THADA: variants seen among roughly 807,000 people sequenced by gnomAD.
The protein encoded by THADA is THADA armadillo repeat containing, also known as tRNA (32-2'-O)-methyltransferase regulator THADA.
THADA carries 213 observed loss-of-function variants against 219.8 expected under a neutral mutation model. The ratio of observed to expected loss-of-function variants is 0.97; its 90% CI spans 0.87 to 1.09. THADA has a LOEUF of 1.09. Ranked by LOEUF, THADA falls within the 50% of genes least tolerant of loss-of-function variation. The pLI, the probability that THADA is intolerant of heterozygous loss-of-function variation, is 0.00. For synonymous variants in THADA, 1,018 were observed against 828.9 expected (o/e 1.23, Z -3.92); for missense variants, 2,956 against 2,311.3 (o/e 1.28, Z -5.72).
At chr2:43,311,460 T>A (rs974758260) in intron 31 of THADA, among the ~76,000 whole-genome samples, 2 of 152,184 alleles carry the variant, frequency 1.3e-5, no homozygotes, top group Non-Finnish European at 2.9e-5. Context: ...ATTTAGCAAT[T>A]CTTCAAAAAG....
chr2:43,541,683 A>AT (rs1203074929), intron 20 of THADA, among the ~76,000 whole-genome samples: 5 of 151,826 alleles, frequency 3.3e-5, no homozygotes, highest in East Asian at 3.9e-4. Context: ...TAATTTTTGT[A>AT]TTTTTTTGTA....
chr2:43,436,549 A>G (rs967385860), intron 26 of THADA, among the ~76,000 whole-genome samples: 3 of 152,198 alleles, frequency 2.0e-5, no homozygotes, highest in African/African-American at 7.2e-5. Flanking sequence ...GCACCTGTCA[A>G]TATCTCTGAA....
intron 21 of THADA, among the ~76,000 whole-genome samples, chr2:43,530,587 G>T (rs1254209310): frequency 6.6e-6 from 1 of 151,968 alleles, no homozygotes; most frequent in Non-Finnish European, 1.5e-5. Flanking sequence ...ATGAGATGAG[G>T]TTTCTCTAAC....
At chr2:43,352,498 C>T (rs1668388870) in intron 29 of THADA, among the ~76,000 whole-genome samples, 2 of 151,466 alleles carry the variant, frequency 1.3e-5, no homozygotes, top group East Asian at 1.9e-4. Flanking sequence ...GTGGAGGTTG[C>T]GGTGAGCAGA....
At chr2:43,289,248 A>G (rs1000744201) in intron 34 of THADA, among the ~76,000 whole-genome samples, 3 of 152,214 alleles carry the variant, frequency 2.0e-5, no homozygotes, top group Non-Finnish European at 4.4e-5. Context: ...TTCATCATTT[A>G]AACTCCGTTC....
At chr2:43,296,857 G>A (rs952710133) in intron 31 of THADA, among the ~76,000 whole-genome samples, 5 of 147,118 alleles carry the variant, frequency 3.4e-5, no homozygotes, top group African/African-American at 1.0e-4. Context: ...CCGGGAGGCA[G>A]CGGCTGGAGG....
At chr2:43,575,407 C>CACT (rs1203640436) in intron 10 of THADA, among the ~76,000 whole-genome samples, 14 of 152,200 alleles carry the variant, frequency 9.2e-5, no homozygotes, top group African/African-American at 2.6e-4. Flanking sequence ...GTGCTCATGC[C>CACT]ACTACACTCC....
intron 23 of THADA, among the ~76,000 whole-genome samples, chr2:43,507,661 T>C (rs1022216534): frequency 1.3e-5 from 2 of 152,134 alleles, no homozygotes; most frequent in African/African-American, 4.8e-5. Context: ...GGAAAAAATG[T>C]AGGGGCATGA....
chr2:43,286,917 G>A lies in THADA; in HGVS notation c.5155C>T (p.Pro1719Ser). The A allele has an allele frequency of 6.2e-7, 1 of 1,612,354 alleles. No homozygotes were observed. Among genetic ancestry groups the A allele is most frequent in the Non-Finnish European group, 8.5e-7 (1 of 1,178,498 alleles). ...GTCTCGGCGCACTTACCAAGAATAG[G>A]ATGGGGGTTGGTGAGGAAAAGTGGT... is the stretch of plus-strand genomic sequence containing the variant. Reference protein sequence around the residue: ...TTPLFLTNPHPILELQDTLAL... With the variant: ...TTPLFLTNPHSILELQDTLAL... The change falls in exon 35 of 38, where the codon CCT becomes TCT. Residue 1719 changes from proline to serine, a missense_variant. By Grantham distance (74) the Pro-to-Ser change is moderately conservative. Transcript: ENST00000405975.
chr2:43,517,194 C>T (rs1292028078), intron 22 of THADA, among the ~76,000 whole-genome samples: 6 of 152,064 alleles, frequency 3.9e-5, no homozygotes, highest in Admixed American at 6.6e-5. Flanking sequence ...CATTTGTTTT[C>T]GAGGTACCCC....
intron 4 of THADA, among the ~76,000 whole-genome samples, chr2:43,588,681 G>A (rs2104164027): frequency 6.6e-6 from 1 of 152,196 alleles, no homozygotes; most frequent in East Asian, 1.9e-4. Context: ...TTTAAAGATT[G>A]ATAGTATCCA....
chr2:43,330,911 G>C (rs555143507), intron 30 of THADA, among the ~76,000 whole-genome samples: 1 of 152,206 alleles, frequency 6.6e-6, no homozygotes, highest in South Asian at 2.1e-4. Flanking sequence ...CATCTTCTGA[G>C]ACAGCCATAT....
intron 29 of THADA, among the ~76,000 whole-genome samples, chr2:43,374,104 GT>G (rs1258964024): frequency 6.6e-6 from 1 of 152,182 alleles, no homozygotes; most frequent in Non-Finnish European, 1.5e-5. Flanking sequence ...TCAAGTGAAA[GT>G]TTAAAAAGTT....
At chr2:43,561,724 T>A (rs760896468) in intron 15 of THADA, among the ~76,000 whole-genome samples, 63 of 152,312 alleles carry the variant, frequency 4.1e-4, no homozygotes, top group Middle Eastern at 3.4e-3. Context: ...TGTTTTCCAA[T>A]CTCACTGCTT....
chr2:43,398,183 A>C, intron 28 of THADA, 44 bp from the exon 29 acceptor site: 1 of 1,585,754 alleles, frequency 6.3e-7, no homozygotes, highest in Non-Finnish European at 8.6e-7. Context: ...AGTCATCTCC[A>C]CATCTGTGAC....
intron 29 of THADA, among the ~76,000 whole-genome samples, chr2:43,384,809 T>A (rs534137428): frequency 6.6e-6 from 1 of 152,028 alleles, no homozygotes; most frequent in South Asian, 2.1e-4. Flanking sequence ...CTACAAAAAA[T>A]TAAATTAAAA....
intron 26 of THADA, chr2:43,430,538 T>C (rs951971363): frequency 1.9e-6 from 1 of 526,078 alleles, no homozygotes. Flanking sequence ...TATGTATGTT[T>C]ACAAATATTT....
chr2:43,428,831 C>T (rs997412144), intron 27 of THADA, among the ~76,000 whole-genome samples: 9 of 152,050 alleles, frequency 5.9e-5, no homozygotes, highest in East Asian at 1.9e-4. Flanking sequence ...ACAGTAGAGA[C>T]GTGCCTGTTC....
In THADA at chr2:43,485,229, C is replaced by T; in HGVS notation, c.3836+5G>A. 6.2e-7 allele frequency: 1 copy of T among 1,604,784 alleles called. No individual in the cohort carries two copies. The highest frequency in any genetic ancestry group is 8.5e-7 in the Non-Finnish European group (1 of 1,173,186). On this transcript the variant is annotated splice_donor_5th_base_variant and intron_variant, in intron 26 of 37. Transcript: ENST00000405975. The stretch of plus-strand genomic sequence containing the variant: ...AAAGTAAAGTTAGCCTTAAATGGAG[C>T]TTACCTATTTGTTTTGGAATGTTCA...
Sources: allele counts gnomAD v4.1 joint callset (sites outside exome capture counted in the v4.1 genomes callset), GRCh38; gene constraint gnomAD v4.1.1; transcripts MANE v1.5; gene names NCBI Gene and HGNC (gene_info 2026-07-23, HGNC 2026-07-21).